Variants in ZHX2 observed in about 807,000 individuals in gnomAD.
The protein encoded by ZHX2 is zinc fingers and homeoboxes protein 2.
A neutral mutation model predicts 21.9 loss-of-function variants in ZHX2; 6 were observed. The observed-to-expected ratio is 0.27, with a 90% CI of 0.15 to 0.54. The LOEUF (loss-of-function observed/expected upper bound fraction) is 0.54. Ranked by LOEUF, ZHX2 falls within the 20% of genes least tolerant of loss-of-function variation. The probability of loss-of-function intolerance (pLI) is 0.95; values close to 1 mark genes in which losing one functional copy is unlikely to be tolerated. For missense variants in ZHX2, 908 were observed against 1,090.7 expected (o/e 0.83, Z 2.36); for synonymous variants, 434 against 437.1 (o/e 0.99, Z 0.09).
intron 1 of ZHX2, among the ~76,000 whole-genome samples, chr8:122,861,602 G>A (rs187294236): frequency 3.8e-4 from 58 of 152,192 alleles, no homozygotes; most frequent in Middle Eastern, 3.4e-3. Context: ...TTAGAGTATC[G>A]TAAATCTATG....
intron 1 of ZHX2, among the ~76,000 whole-genome samples, chr8:122,793,946 C>A (rs1221730318): frequency 6.6e-6 from 1 of 152,214 alleles, no homozygotes; most frequent in Non-Finnish European, 1.5e-5. Context: ...GCCATCTGTG[C>A]TATAGGGTCC....
intron 2 of ZHX2, among the ~76,000 whole-genome samples, chr8:122,888,660 C>A (rs1819904717): frequency 6.6e-6 from 1 of 152,050 alleles, no homozygotes; most frequent in African/African-American, 2.4e-5. Context: ...TTTTTGTATT[C>A]TTAATAGAGA....
Position 122,953,333 on chromosome 8 carries a change from A to C in ZHX2, c.1823A>C (p.Asn608Thr), listed in dbSNP as rs150834154. The C allele has an allele frequency of 1.2e-6, 2 of 1,613,956 alleles. No individual in the cohort carries two copies. Among genetic ancestry groups the C allele is most frequent in the East Asian group, 2.2e-5 (1 of 44,832 alleles). ...GKKGQDVGAP[N>T]GALSRLDQLS... The stretch of plus-strand genomic sequence containing the variant: ...AAAGGCCAAGATGTGGGAGCCCCCA[A>C]TGGTGCTCTGTCTCGACTCGACCAG... The change falls in exon 3 of 4, where the codon AAT becomes ACT. Residue 608 changes from asparagine to threonine, a missense_variant. Around this residue, in one of 4 missense-constraint regions of ZHX2, gnomAD observed 431 missense variants for 428.6 expected, o/e 1.01. Coordinates refer to ENST00000314393, the MANE Select transcript of ZHX2 (RefSeq NM_014943.5). This position sits in a 1 kb window ranked among gnomAD's most constrained non-coding sequence, Gnocchi z 4.6.
At chr8:122,940,284 T>C (rs963646594) in intron 2 of ZHX2, among the ~76,000 whole-genome samples, 3 of 152,210 alleles carry the variant, frequency 2.0e-5, no homozygotes, top group African/African-American at 7.2e-5. Flanking sequence ...GCCAAGGCTT[T>C]ACCTATTGAA....
chr8:122,949,323 G>GA (rs1353227844), intron 2 of ZHX2, among the ~76,000 whole-genome samples: 11 of 149,702 alleles, frequency 7.3e-5, no homozygotes, highest in Non-Finnish European at 1.3e-4. Flanking sequence ...AACTCTATCT[G>GA]AAAAGAAAAA....
intron 1 of ZHX2, among the ~76,000 whole-genome samples, chr8:122,857,478 T>C (rs752575212): frequency 6.6e-6 from 1 of 152,140 alleles, no homozygotes; most frequent in Non-Finnish European, 1.5e-5. Flanking sequence ...GAAACAAATA[T>C]GGGTCAATTC....
chr8:122,860,876 T>C (rs1400150333), intron 1 of ZHX2, among the ~76,000 whole-genome samples: 1 of 151,598 alleles, frequency 6.6e-6, no homozygotes, highest in Admixed American at 6.6e-5. Flanking sequence ...CTACTAAAAA[T>C]ACAAAAATTA....
At chr8:122,928,921 C>T (rs1820918334) in intron 2 of ZHX2, among the ~76,000 whole-genome samples, 1 of 152,108 alleles carries the variant, frequency 6.6e-6, no homozygotes, top group Non-Finnish European at 1.5e-5. Flanking sequence ...GATAGGACAT[C>T]CTATTATTTT....
intron 1 of ZHX2, among the ~76,000 whole-genome samples, chr8:122,858,138 T>A (rs1819073221): frequency 6.6e-6 from 1 of 152,188 alleles, no homozygotes; most frequent in Non-Finnish European, 1.5e-5. Context: ...AGCTTGACCT[T>A]GCTCTTATTT....
chr8:122,951,061 GA>G (rs1340922645), intron 2 of ZHX2, among the ~76,000 whole-genome samples: 1 of 152,030 alleles, frequency 6.6e-6, no homozygotes, highest in Non-Finnish European at 1.5e-5. Flanking sequence ...ATGAAATGGT[GA>G]CCCTCATCCA....
intron 2 of ZHX2, among the ~76,000 whole-genome samples, chr8:122,930,716 C>G (rs1175017504): frequency 2.0e-5 from 3 of 151,896 alleles, no homozygotes; most frequent in African/African-American, 7.3e-5. Flanking sequence ...CCTCGAACTC[C>G]TGACCTCAGG....
intron 1 of ZHX2, among the ~76,000 whole-genome samples, chr8:122,854,069 G>A (rs1818970227): frequency 6.6e-6 from 1 of 152,278 alleles, no homozygotes; most frequent in South Asian, 2.1e-4. Flanking sequence ...AGCCTCCCGG[G>A]CCCCTGAGGA....
intron 1 of ZHX2, among the ~76,000 whole-genome samples, chr8:122,843,990 C>T (rs1304566945): frequency 2.1e-5 from 3 of 143,686 alleles, no homozygotes; most frequent in Admixed American, 2.1e-4. Flanking sequence ...CACACACACA[C>T]ATCATGCTTC....
At chr8:122,955,839 A>ATTGTTTTTTTTTTTTTTTTT (rs1813284701) in intron 3 of ZHX2, among the ~76,000 whole-genome samples, 1 of 104,924 alleles carries the variant, frequency 9.5e-6, no homozygotes, top group Non-Finnish European at 1.8e-5. Context: ...TGAGGGAGTG[A>ATTGTTTTTTTTTTTTTTTTT]TTTTTTTTTT....
At chr8:122,833,051 C>T (rs556870187) in intron 1 of ZHX2, among the ~76,000 whole-genome samples, 84 of 152,112 alleles carry the variant, frequency 5.5e-4, no homozygotes, top group Non-Finnish European at 8.5e-4. Context: ...ACCAGGTGAG[C>T]CGACGTGAAA....
intron 2 of ZHX2, among the ~76,000 whole-genome samples, chr8:122,950,982 G>A (rs551207900): frequency 7.9e-5 from 12 of 152,120 alleles, no homozygotes; most frequent in Admixed American, 5.9e-4. Context: ...CACCATCTGC[G>A]ACTCCCTCTC....
In ZHX2 at chr8:122,793,305, G is replaced by A. The variant is rs138642093; in HGVS notation, c.-283+11359G>A. Among the ~76,000 whole-genome samples the A allele has an allele frequency of 2.6e-5, 4 of 152,312 alleles. No homozygotes were observed. The East Asian group carries it at 5.8e-4, about 22-fold the overall frequency. The stretch of plus-strand genomic sequence containing the variant: ...CACCCAGGGACCAGGAAGTGGCCTG[G>A]GATGAAGGAAACTGGACATCCAGGC... On this transcript the variant is annotated intron_variant, in intron 1 of 3. Transcript: ENST00000314393.
At chr8:122,973,005 G>A (rs1813763979) in intron 3 of ZHX2, among the ~76,000 whole-genome samples, 1 of 152,170 alleles carries the variant, frequency 6.6e-6, no homozygotes, top group Admixed American at 6.5e-5. Flanking sequence ...GTTTTCAAAG[G>A]CCTGATTCTG....
rs1414326116 is a variant in ZHX2 at position 122,818,241 on chromosome 8, C to T, written c.-283+36295C>T. Among the ~76,000 whole-genome samples, 6 of 151,686 alleles carry T rather than the reference C, an allele frequency of 4.0e-5. No homozygotes were observed. In the East Asian group the frequency reaches 5.8e-4, roughly 15 times the overall value. On this transcript the variant is annotated intron_variant, in intron 1 of 3. Transcript: ENST00000314393. Reference sequence around the variant, plus strand: ...TGGGTTTTTGTAAAGAGAGAGTTGGCGCCCAGGCAACATCCTTCTCTTTAT... The same window carrying T: ...TGGGTTTTTGTAAAGAGAGAGTTGGTGCCCAGGCAACATCCTTCTCTTTAT...
Sources: allele counts gnomAD v4.1 joint callset (sites outside exome capture counted in the v4.1 genomes callset), GRCh38; gene constraint gnomAD v4.1.1; regional missense constraint gnomAD v4.1.1; non-coding constraint Gnocchi (gnomAD v3.1); transcripts MANE v1.5; gene names NCBI Gene and HGNC (gene_info 2026-07-23, HGNC 2026-07-21).